Variants in PKM observed in about 807,000 individuals in gnomAD.
The protein encoded by PKM is pyruvate kinase M1/2, also known as pyruvate kinase PKM.
In PKM, 18 loss-of-function variants were observed where a neutral mutation model predicts 49.8. That is an observed-to-expected ratio of 0.36 (90% CI 0.25 to 0.54). The LOEUF (loss-of-function observed/expected upper bound fraction) is 0.54. Among genes scored for constraint, PKM ranks in the 20% least tolerant of loss-of-function variants. PKM has a pLI of 0.89. For missense variants in PKM, 508 were observed against 713.8 expected (o/e 0.71, Z 3.28); for synonymous variants, 239 against 261.8 (o/e 0.91, Z 0.84).
Position 72,199,688 on chromosome 15 carries a change from C to A in PKM, c.1558G>T (p.Gly520Cys). 1.2e-6 allele frequency: 2 copies of A among 1,613,908 alleles called. No homozygotes were observed. Among genetic ancestry groups the A allele is most frequent in the Non-Finnish European group, 1.7e-6 (2 of 1,179,952 alleles). Residue 520 changes from glycine to cysteine, a missense_variant, in exon 11 of 11, where the codon GGC becomes TGC. By Grantham distance (159) the Gly-to-Cys change is radical. Transcript: ENST00000335181. ...ACAACACGCATGGTGTTGGTGAAGC[C>A]GGAGCCAGGGCGCCATCCGGTCAGC... ...IVLTGWRPGS[G>C]FTNTMRVVPV...
chr15:72,230,493 C>G (rs1477248682), intron 1 of PKM, among the ~76,000 whole-genome samples: 1 of 151,956 alleles, frequency 6.6e-6, no homozygotes, highest in Non-Finnish European at 1.5e-5. Context: ...GGAGCGGACA[C>G]GCCAGGCGAG....
chr15:72,227,691 A>G (rs2082710950), intron 1 of PKM, among the ~76,000 whole-genome samples: 1 of 132,784 alleles, frequency 7.5e-6, no homozygotes, highest in Non-Finnish European at 1.6e-5. Context: ...GGTTGCAGTG[A>G]GCCGAGATCA....
chr15:72,220,084 T>C (rs1041409630), intron 1 of PKM, among the ~76,000 whole-genome samples: 3 of 152,182 alleles, frequency 2.0e-5, no homozygotes, highest in Non-Finnish European at 4.4e-5. Context: ...CAGGCAGTGT[T>C]TGAATAACTA....
intron 1 of PKM, among the ~76,000 whole-genome samples, chr15:72,222,703 C>T (rs552870846): frequency 6.6e-6 from 1 of 152,204 alleles, no homozygotes; most frequent in African/African-American, 2.4e-5. Flanking sequence ...GATAGCAGCA[C>T]ACACCATGCC....
intron 1 of PKM, among the ~76,000 whole-genome samples, chr15:72,222,044 C>G (rs941869728): frequency 3.9e-5 from 6 of 152,004 alleles, no homozygotes; most frequent in African/African-American, 1.4e-4. Context: ...TGACAATGTT[C>G]TGGTACAGAA....
At chr15:72,215,495 A>C (rs1226735030) in intron 3 of PKM, among the ~76,000 whole-genome samples, 2 of 152,174 alleles carry the variant, frequency 1.3e-5, no homozygotes, top group East Asian at 3.8e-4. Flanking sequence ...TGAACACACA[A>C]GAGGGACATC....
chr15:72,214,652 G>A (rs922567683), intron 3 of PKM, among the ~76,000 whole-genome samples: 1 of 152,090 alleles, frequency 6.6e-6, no homozygotes, highest in East Asian at 1.9e-4. Context: ...AAAATTAGTC[G>A]GGTGTGGTGG....
Position 72,202,360 on chromosome 15 carries a change from G to A in PKM, c.1307+94C>T. ...CAGAGGGGTCTTACCTTGGCTCAGTGCCACCTGAGCATTGTTCAATGGACT... is the reference window on the plus strand; with the variant it reads ...CAGAGGGGTCTTACCTTGGCTCAGTACCACCTGAGCATTGTTCAATGGACT... On this transcript the variant is annotated intron_variant, in intron 9 of 10. Transcript: ENST00000335181. This position sits in a 1 kb window ranked among gnomAD's most constrained non-coding sequence, Gnocchi z 4.5. 7.6e-7 allele frequency: 1 copy of A among 1,308,248 alleles called. No individual in the cohort carries two copies. The highest frequency in any genetic ancestry group is 2.0e-5 in the Admixed American group (1 of 51,110). 81.0% of individuals were successfully genotyped at this position (1,308,248 alleles called of 1,614,324 possible).
At position 72,218,931 on chromosome 15, in the gene PKM, C is replaced by T. The variant is rs562733564; in HGVS notation, c.154+13G>A. The T allele has an allele frequency of 1.9e-6, 3 of 1,614,002 alleles. No homozygotes were observed. In the South Asian group the frequency reaches 3.3e-5, roughly 18 times the overall value. On this transcript the variant is annotated intron_variant, in intron 2 of 10. Transcript: ENST00000335181. Reference sequence around the variant, plus strand: ...TGAAGCCCTTTTTTGGGGGAAGGGGCACACCCACTCACCAATGGTACAGAT... The same window carrying T: ...TGAAGCCCTTTTTTGGGGGAAGGGGTACACCCACTCACCAATGGTACAGAT...
chr15:72,223,160 C>A (rs1257609337), intron 1 of PKM, among the ~76,000 whole-genome samples: 6 of 151,912 alleles, frequency 3.9e-5, no homozygotes, highest in African/African-American at 1.5e-4. Context: ...GGACTACAGG[C>A]ACGAACCACA....
chr15:72,217,926 C>A (rs1187178586), intron 2 of PKM, among the ~76,000 whole-genome samples: 1 of 152,128 alleles, frequency 6.6e-6, no homozygotes, highest in African/African-American at 2.4e-5. Flanking sequence ...CATATGGATT[C>A]TTTTTGCAAC....
intron 1 of PKM, chr15:72,228,538 T>G (rs1447902647): frequency 2.6e-6 from 2 of 778,682 alleles, no homozygotes; most frequent in Non-Finnish European, 3.8e-6. Context: ...AAGGGACTTT[T>G]TAAGCCTGCA....
At chr15:72,227,853 C>G (rs1378240514) in intron 1 of PKM, among the ~76,000 whole-genome samples, 1 of 151,222 alleles carries the variant, frequency 6.6e-6, no homozygotes, top group South Asian at 2.1e-4. Flanking sequence ...TTCTACCTTC[C>G]TGCCCACGGC....
At chr15:72,214,110 C>T (rs981204512) in intron 3 of PKM, among the ~76,000 whole-genome samples, 1 of 152,136 alleles carries the variant, frequency 6.6e-6, no homozygotes, top group African/African-American at 2.4e-5. Context: ...ATTTCATCTA[C>T]CTTGAGATCT....
Position 72,202,154 on chromosome 15 carries a change from T to G in PKM, c.1307+300A>C. 1 of 441,902 alleles carries G rather than the reference T, an allele frequency of 2.3e-6. No homozygotes were observed. Among genetic ancestry groups the G allele is most frequent in the African/African-American group, 2.0e-5 (1 of 50,830 alleles). The allele number at this position is 441,902 out of a possible 1,614,324, so 27.4% of individuals were successfully genotyped here. ...GTTATCTTTTACAATTTTAGAGGAC[T>G]AAATTTTCAATATCAAATAACCATT... On this transcript the variant is annotated intron_variant, in intron 9 of 10. Transcript: ENST00000335181. The surrounding 1 kb of genome is among the most constrained non-coding windows in gnomAD (Gnocchi z 4.5).
In PKM at chr15:72,202,401, AAGGTG is replaced by A; in HGVS notation, c.1307+48_1307+52del. On this transcript the variant is annotated intron_variant, in intron 9 of 10. Transcript: ENST00000335181. This position sits in a 1 kb window ranked among gnomAD's most constrained non-coding sequence, Gnocchi z 4.5. ...TCAATGGACTGCTCCCAGGACCCCC[AAGGTG>A]AGGTACCACTGAGCAGGGCATTCCA... 4 of 1,564,860 alleles carry A rather than the reference AAGGTG, an allele frequency of 2.6e-6. No homozygotes were observed. Among genetic ancestry groups the A allele is most frequent in the Non-Finnish European group, 2.6e-6 (3 of 1,145,018 alleles).
chr15:72,203,960 C>A (rs1038626537), intron 8 of PKM: 5 of 152,172 alleles, frequency 3.3e-5, no homozygotes, highest in Admixed American at 2.0e-4. Context: ...ATCAGAAAGA[C>A]AATGTAAGCT....
chr15:72,227,942 C>T (rs951543403), intron 1 of PKM, among the ~76,000 whole-genome samples: 1 of 152,044 alleles, frequency 6.6e-6, no homozygotes, highest in Non-Finnish European at 1.5e-5. Flanking sequence ...CCTGTGACCC[C>T]ACATCAGTGT....
At chr15:72,205,960 G>C (rs2082067048) in intron 8 of PKM, among the ~76,000 whole-genome samples, 2 of 152,136 alleles carry the variant, frequency 1.3e-5, no homozygotes, top group Admixed American at 6.5e-5. Context: ...ATGACAAGCT[G>C]GAAGAGCCTG....
Sources: gnomAD v4.1 joint callset for allele counts (sites outside exome capture counted in the v4.1 genomes callset) on GRCh38, gnomAD v4.1.1 for gene constraint, Gnocchi (gnomAD v3.1) non-coding constraint, MANE v1.5 for transcripts, NCBI Gene and HGNC (gene_info 2026-07-23, HGNC 2026-07-21) for gene names.